Variants in ILDR2 observed in about 807,000 individuals in gnomAD.
ILDR2 encodes the protein immunoglobulin-like domain-containing receptor 2.
Under a neutral mutation model 66.8 loss-of-function variants are expected in ILDR2, and 25 were observed. The observed-to-expected ratio is 0.37, with a 90% CI of 0.27 to 0.52. ILDR2 has a LOEUF of 0.52. Ranked by LOEUF, ILDR2 falls within the 20% of genes least tolerant of loss-of-function variation. ILDR2 has a pLI of 0.88. For missense variants in ILDR2, 827 were observed against 876.8 expected, an observed-to-expected ratio of 0.94 and a Z score of 0.72; for synonymous variants, 367 against 357.2, an observed-to-expected ratio of 1.03 and a Z score of -0.31.
intron 2 of ILDR2, among the ~76,000 whole-genome samples, chr1:166,957,526 G>T (rs1422301904): frequency 6.6e-6 from 1 of 152,146 alleles, no homozygotes; most frequent in Non-Finnish European, 1.5e-5. Flanking sequence ...CTGGGCTCTG[G>T]AAAGACTCTT....
rs561085679 is a variant in ILDR2, at chr1:166,922,556, C to G, written c.1211+37G>C. 8.9e-6 allele frequency: 14 copies of G among 1,573,430 alleles called. No individual in the cohort carries two copies. The South Asian group carries it at 1.1e-4, about 12-fold the overall frequency. On this transcript the variant is annotated intron_variant, in intron 8 of 9. Transcript: ENST00000271417. ...CTACCCTGCCTTCCAGCTCCTGCCCCCTCACACCGACCAGACCTGCCCCTC... is the reference window on the plus strand; with the variant it reads ...CTACCCTGCCTTCCAGCTCCTGCCCGCTCACACCGACCAGACCTGCCCCTC...
intron 1 of ILDR2, among the ~76,000 whole-genome samples, chr1:166,968,449 A>C (rs187646150): frequency 6.6e-6 from 1 of 152,150 alleles, no homozygotes; most frequent in Admixed American, 6.5e-5. Context: ...TTAACCATCT[A>C]TCTCCCCCAC....
At position 166,927,629 on chromosome 1, in the gene ILDR2, A is replaced by G. The variant is rs76575634; in HGVS notation, c.881-449T>C. Among the ~76,000 whole-genome samples, 17 of 152,354 alleles carry G rather than the reference A, an allele frequency of 1.1e-4. No homozygotes were observed. The East Asian group carries it at 3.3e-3, about 29-fold the overall frequency. Reference sequence around the variant, plus strand: ...ACAGGTAACTTACAGATACTCAAACATCAAGGGCCTTGACAAAGTTGGCCT... The same window carrying G: ...ACAGGTAACTTACAGATACTCAAACGTCAAGGGCCTTGACAAAGTTGGCCT... On this transcript the variant is annotated intron_variant, in intron 6 of 9. Coordinates refer to ENST00000271417, the MANE Select transcript of ILDR2 (RefSeq NM_199351.3).
chr1:166,896,721 C>T (rs772596177), intron 2 of ILDR2, among the ~76,000 whole-genome samples: 4 of 151,120 alleles, frequency 2.6e-5, no homozygotes, highest in Non-Finnish European at 2.9e-5. Context: ...CTGCAACCTC[C>T]GCCTCCCAGG....
At chr1:166,954,267 G>T (rs1662147216) in intron 3 of ILDR2, among the ~76,000 whole-genome samples, 1 of 152,048 alleles carries the variant, frequency 6.6e-6, no homozygotes. Flanking sequence ...CACATAAAAA[G>T]AATACTTAAC....
chr1:166,974,727 G>A (rs1375410146), intron 1 of ILDR2, among the ~76,000 whole-genome samples: 1 of 152,106 alleles, frequency 6.6e-6, no homozygotes, highest in African/African-American at 2.4e-5. Flanking sequence ...GCCACAGAGA[G>A]AATGCCCTGG....
chr1:166,963,358 C>T (rs1434701978), intron 1 of ILDR2, among the ~76,000 whole-genome samples: 2 of 152,168 alleles, frequency 1.3e-5, no homozygotes, highest in Non-Finnish European at 2.9e-5. Context: ...GTTATTACAC[C>T]TGTTTTATAG....
rs190912808 is a variant in ILDR2 at position 166,957,693 on chromosome 1, A to G, written c.379+76T>C. The G allele has an allele frequency of 2.5e-3, 3,151 of 1,271,186 alleles. 8 individuals are homozygous for G. Among genetic ancestry groups the G allele is most frequent in the Non-Finnish European group, 3.1e-3 (2,790 of 900,384 alleles). The allele number at this position is 1,271,186 out of a possible 1,614,324, so 78.7% of individuals were successfully genotyped here. A position where few individuals can be genotyped will look rare whatever the true frequency, so the allele number is the denominator to read the frequency against. On this transcript the variant is annotated intron_variant, in intron 2 of 9. Coordinates refer to ENST00000271417, the MANE Select transcript of ILDR2 (RefSeq NM_199351.3). The stretch of plus-strand genomic sequence containing the variant: ...AAGGGTGAGAGGCTAGAATATCACC[A>G]TATTGACATAAGGGAAGGGAAGAAT...
intron 3 of ILDR2, among the ~76,000 whole-genome samples, chr1:166,946,278 A>G (rs1661605734): frequency 6.6e-6 from 1 of 152,178 alleles, no homozygotes. Context: ...ATGTGGATAT[A>G]GCCCCCTTTT....
intron 1 of ILDR2, among the ~76,000 whole-genome samples, chr1:166,958,701 C>T (rs953668166): frequency 3.3e-5 from 5 of 152,202 alleles, no homozygotes; most frequent in African/African-American, 1.2e-4. Flanking sequence ...AATCTCTTAA[C>T]ATCTTTAATA....
intron 3 of ILDR2, among the ~76,000 whole-genome samples, chr1:166,941,233 G>T (rs1400953535): frequency 6.6e-6 from 1 of 152,154 alleles, no homozygotes; most frequent in Non-Finnish European, 1.5e-5. Context: ...CCTTCTTTCT[G>T]TCCCCCATCT....
chr1:166,903,002 C>T (rs1659286993), intron 2 of ILDR2, among the ~76,000 whole-genome samples: 1 of 152,160 alleles, frequency 6.6e-6, no homozygotes, highest in African/African-American at 2.4e-5. Flanking sequence ...TATCCTTCTC[C>T]ACTGCCATCG....
At chr1:166,903,974 A>AT (rs975447145), downstream of ILDR2, among the ~76,000 whole-genome samples, 1 of 152,042 alleles carries the variant, frequency 6.6e-6, no homozygotes, top group Non-Finnish European at 1.5e-5. Context: ...ATCCTGAGTT[A>AT]TTTTCAACAC....
Position 166,915,523 on chromosome 1 carries a change from C to T in ILDR2, c.*3832G>A, listed in dbSNP as rs1446521466. The T allele has an allele frequency of 6.6e-6, 1 of 152,170 alleles. No homozygotes were observed. Among genetic ancestry groups the T allele is most frequent in the Admixed American group, 6.5e-5 (1 of 15,272 alleles). 9.4% of individuals were successfully genotyped at this position (152,170 alleles called of 1,614,324 possible). On this transcript the variant is annotated 3_prime_UTR_variant, in exon 10 of 10. Coordinates refer to ENST00000271417, the MANE Select transcript of ILDR2 (RefSeq NM_199351.3). ...TTTAACAGCAGCTATCAAGTTAATT[C>T]TTGTGGTTAGGCAATTTTGGGAAAC... is the stretch of plus-strand genomic sequence containing the variant.
chr1:166,952,220 G>A (rs191429589), intron 3 of ILDR2, among the ~76,000 whole-genome samples: 1 of 152,288 alleles, frequency 6.6e-6, no homozygotes, highest in East Asian at 1.9e-4. Context: ...CGTGGTTCCA[G>A]ATTATAAACA....
chr1:166,966,220 C>T (rs561121900), intron 1 of ILDR2, among the ~76,000 whole-genome samples: 1 of 152,258 alleles, frequency 6.6e-6, no homozygotes, highest in Admixed American at 6.5e-5. Flanking sequence ...CCTCATTCTC[C>T]AGCTTTGCCA....
rs1479772818 is a variant in ILDR2, at chr1:166,921,088, G to A, written c.1503C>T (p.Arg501=). The A allele has an allele frequency of 2.0e-6, 3 of 1,492,352 alleles. No homozygotes were observed. Among genetic ancestry groups the A allele is most frequent in the Non-Finnish European group, 2.7e-6 (3 of 1,130,308 alleles). 92.4% of individuals were successfully genotyped at this position (1,492,352 alleles called of 1,614,324 possible). A position where few individuals can be genotyped will look rare whatever the true frequency, so the allele number is the denominator to read the frequency against. The part of the protein sequence containing the change: ...ADRGWAFSPA[R]RRPAEDAHLP... ...GGTGCGCGTCCTCGGCGGGTCTGCG[G>A]CGCGCGGGGCTGAAGGCCCAGCCGC... Residue 501 remains arginine (R), a synonymous_variant, in exon 9 of 10, where the codon CGC becomes CGT. Coordinates refer to ENST00000271417, the MANE Select transcript of ILDR2 (RefSeq NM_199351.3). The surrounding 1 kb of genome is among the most constrained non-coding windows in gnomAD (Gnocchi z 5.3).
Position 166,926,090 on chromosome 1 carries a change from A to C in ILDR2, c.994+977T>G, listed in dbSNP as rs534964968. 5.3e-5 allele frequency among the ~76,000 whole-genome samples: 8 copies of C among 152,320 alleles called. No individual in the cohort carries two copies. The South Asian group carries it at 1.0e-3, about 20-fold the overall frequency. On this transcript the variant is annotated intron_variant, in intron 7 of 9. Coordinates refer to ENST00000271417, the MANE Select transcript of ILDR2 (RefSeq NM_199351.3). ...ACAACGCAGACAGGATGAATTTAGA[A>C]TTGCAAACTGGGTGGAATATGTTGT...
intron 1 of ILDR2, among the ~76,000 whole-genome samples, chr1:166,971,952 C>G (rs1663322873): frequency 6.6e-6 from 1 of 152,152 alleles, no homozygotes; most frequent in Non-Finnish European, 1.5e-5. Context: ...TGGCTCACAT[C>G]TGTAATCCCA....
Sources: gnomAD v4.1 joint callset for allele counts (sites outside exome capture counted in the v4.1 genomes callset) on GRCh38, gnomAD v4.1.1 for gene constraint, Gnocchi (gnomAD v3.1) non-coding constraint, MANE v1.5 for transcripts, NCBI Gene and HGNC (gene_info 2026-07-23, HGNC 2026-07-21) for gene names.